Variants in DACH1 observed in about 807,000 individuals in gnomAD.
DACH1 encodes dachshund homolog 1.
Under a neutral mutation model 54.2 loss-of-function variants are expected in DACH1, and 12 were observed. That is an observed-to-expected ratio of 0.22 (90% confidence interval 0.14 to 0.36). The LOEUF (loss-of-function observed/expected upper bound fraction) is 0.36, where lower values mean the gene tolerates loss of function less well. Among genes scored for constraint, DACH1 ranks in the 10% least tolerant of loss-of-function variants. The pLI is 1.00. For missense variants in DACH1, 805 were observed against 929.8 expected, an observed-to-expected ratio of 0.87 and a Z score of 1.75; for synonymous variants, 386 against 366.2, an observed-to-expected ratio of 1.05 and a Z score of -0.62.
At chr13:71,857,659 CAT>C (rs994638457) in intron 1 of DACH1, among the ~76,000 whole-genome samples, 37 of 151,702 alleles carry the variant, frequency 2.4e-4, no homozygotes, top group African/African-American at 7.5e-4. Flanking sequence ...CATTCATCCT[CAT>C]ATAAAATGTG....
intron 1 of DACH1, among the ~76,000 whole-genome samples, chr13:71,694,275 G>A (rs915037142): frequency 3.9e-5 from 6 of 152,008 alleles, no homozygotes; most frequent in African/African-American, 9.7e-5. Context: ...GTCAAGAAAC[G>A]TAATCCTGAA....
chr13:71,744,785 T>C (rs1884539101), intron 1 of DACH1, among the ~76,000 whole-genome samples: 1 of 152,212 alleles, frequency 6.6e-6, no homozygotes, highest in Non-Finnish European at 1.5e-5. Flanking sequence ...ACTTCTATAA[T>C]TGTTTTAAAT....
chr13:71,843,160 G>T (rs1872996513), intron 1 of DACH1, among the ~76,000 whole-genome samples: 2 of 152,058 alleles, frequency 1.3e-5, no homozygotes, highest in South Asian at 4.2e-4. Context: ...TGTGTAAAAA[G>T]CACATTATGG....
chr13:71,852,521 C>G (rs1873741511), intron 1 of DACH1, among the ~76,000 whole-genome samples: 4 of 152,172 alleles, frequency 2.6e-5, no homozygotes, highest in Admixed American at 2.6e-4. Context: ...GTTTAGAGAG[C>G]TAGCTTTGAA....
Position 71,768,867 on chromosome 13 carries a change from C to T in DACH1, c.849-86957G>A, listed in dbSNP as rs141620830. 1.2e-4 allele frequency among the ~76,000 whole-genome samples: 18 copies of T among 151,964 alleles called. No homozygotes were observed. In the East Asian group the frequency reaches 2.1e-3, roughly 18 times the overall value. ...TCCACCACTGAGTTATTTGACATCA[C>T]GCATTTTGATTGCACATTTTCTGAG... On this transcript the variant is annotated intron_variant, in intron 1 of 10. Transcript: ENST00000613252.
At chr13:71,811,305 T>C (rs183050577) in intron 1 of DACH1, among the ~76,000 whole-genome samples, 93 of 152,250 alleles carry the variant, frequency 6.1e-4, no homozygotes, top group African/African-American at 2.2e-3. Context: ...AATATTAAAA[T>C]AATTAAAAAG....
At chr13:71,533,859 T>G (rs373751974) in intron 6 of DACH1, among the ~76,000 whole-genome samples, 2 of 151,968 alleles carry the variant, frequency 1.3e-5, no homozygotes, top group East Asian at 3.9e-4. Context: ...TATGTATTTT[T>G]TATTGGTATT....
intron 6 of DACH1, among the ~76,000 whole-genome samples, chr13:71,552,836 TATATATAGAGAGAGAGAG>T (rs1295238889): frequency 4.4e-4 from 12 of 27,170 alleles, no homozygotes; most frequent in African/African-American, 1.8e-3. Context: ...TATATATATA[TATATATAGAGAGAGAGAG>T]AGAGAGAGAG....
chr13:71,499,131 ACG>A (rs1879699529), intron 6 of DACH1, among the ~76,000 whole-genome samples: 1 of 48,132 alleles, frequency 2.1e-5, no homozygotes, highest in African/African-American at 4.3e-5. Context: ...ACACACACAC[ACG>A]CAGACACACA....
chr13:71,746,636 T>TAAACAAAC (rs113135423), intron 1 of DACH1, among the ~76,000 whole-genome samples: 3 of 151,896 alleles, frequency 2.0e-5, no homozygotes, highest in Non-Finnish European at 4.4e-5. Context: ...AGAAATGGTA[T>TAAACAAAC]AAACAAACAA....
intron 7 of DACH1, among the ~76,000 whole-genome samples, chr13:71,481,247 A>G (rs1878004852): frequency 6.6e-6 from 1 of 152,240 alleles, no homozygotes; most frequent in East Asian, 1.9e-4. Flanking sequence ...CAATGTTGGC[A>G]CCACTTAATG....
chr13:71,603,159 TG>T (rs772188354), intron 3 of DACH1, among the ~76,000 whole-genome samples: 2 of 152,024 alleles, frequency 1.3e-5, no homozygotes, highest in Non-Finnish European at 2.9e-5. Context: ...CTTTTTTGTT[TG>T]TTTTGGAAAA....
intron 1 of DACH1, among the ~76,000 whole-genome samples, chr13:71,720,408 T>C (rs865932850): frequency 5.9e-5 from 9 of 152,322 alleles, no homozygotes; most frequent in Middle Eastern, 3.4e-3. Context: ...CTCAGAAATA[T>C]ATATAGGTGT....
At chr13:71,781,235 A>G (rs1886360278) in intron 1 of DACH1, among the ~76,000 whole-genome samples, 1 of 152,132 alleles carries the variant, frequency 6.6e-6, no homozygotes, top group African/African-American at 2.4e-5. Flanking sequence ...GAACAAACAA[A>G]TCCTGTGGGA....
rs1339515971 is a variant in DACH1 at position 71,866,570 on chromosome 13, G to A, written c.200C>T (p.Ala67Val). 11 of 1,269,226 alleles carry A rather than the reference G, an allele frequency of 8.7e-6. No individual in the cohort carries two copies. The highest frequency in any genetic ancestry group is 1.1e-5 in the Non-Finnish European group (11 of 1,004,032). 78.6% of individuals were successfully genotyped at this position (1,269,226 alleles called of 1,614,324 possible). A position where few individuals can be genotyped will look rare whatever the true frequency, so the allele number is the denominator to read the frequency against. Residue 67 changes from alanine (A) to valine (V), a missense_variant, in exon 1 of 11, where the codon GCG (alanine) becomes GTG (valine). This residue lies in a region of DACH1 where 305 missense variants were observed against 308.7 expected (regional missense o/e 0.99). Coordinates refer to ENST00000613252, the MANE Select transcript of DACH1 (RefSeq NM_080759.6). ...GCCGCCGGTAGAGGTGACTGTGGCC[G>A]CCGCCGCCGCCGCCGAAGCGATGGG... ...PEPIASAAAA[A>V]ATVTSTGGGG...
chr13:71,460,920 C>T (rs1369701880), intron 10 of DACH1, among the ~76,000 whole-genome samples: 3 of 151,910 alleles, frequency 2.0e-5, no homozygotes, highest in Non-Finnish European at 2.9e-5. Context: ...AAACAGTAAA[C>T]CTGTGACTTT....
intron 2 of DACH1, among the ~76,000 whole-genome samples, chr13:71,636,658 G>A (rs550326481): frequency 9.3e-5 from 14 of 151,344 alleles, no homozygotes; most frequent in Non-Finnish European, 2.1e-4. Context: ...AAGATAATAA[G>A]TCATATATTG....
At position 71,466,227 on chromosome 13, in the gene DACH1, G is replaced by A. The variant is rs1051133176; in HGVS notation, c.2083+8914C>T. Among the ~76,000 whole-genome samples, 6 of 152,196 alleles carry A rather than the reference G, an allele frequency of 3.9e-5. No individual in the cohort carries two copies. In the East Asian group the frequency reaches 1.2e-3, roughly 29 times the overall value. On this transcript the variant is annotated intron_variant, in intron 10 of 10. Coordinates refer to ENST00000613252, the MANE Select transcript of DACH1 (RefSeq NM_080759.6). ...CTAGCATTGATCTTTAGGGTCCCCT[G>A]CTAATATCTTTCCCAGTTTCCATAT...
chr13:71,844,233 T>C (rs1254295680), intron 1 of DACH1, among the ~76,000 whole-genome samples: 1 of 152,186 alleles, frequency 6.6e-6, no homozygotes, highest in Non-Finnish European at 1.5e-5. Context: ...GAGGTTTCCA[T>C]GAATTTACTT....
Sources: gnomAD v4.1 joint callset for allele counts (sites outside exome capture counted in the v4.1 genomes callset) on GRCh38, gnomAD v4.1.1 for gene constraint, gnomAD v4.1.1 regional missense constraint, MANE v1.5 for transcripts, NCBI Gene and HGNC (gene_info 2026-07-23, HGNC 2026-07-21) for gene names.